The following RORB variants were observed in gnomAD, a reference collection of about 807,000 sequenced individuals.
RORB encodes RAR related orphan receptor B.
A neutral mutation model predicts 59.1 loss-of-function variants in RORB; 6 were observed. That is an observed-to-expected ratio of 0.10 (90% confidence interval 0.06 to 0.20). The LOEUF (loss-of-function observed/expected upper bound fraction) is 0.20. Among genes scored for constraint, RORB ranks in the 10% least tolerant of loss-of-function variants. The pLI, the probability that RORB is intolerant of heterozygous loss-of-function variation, is 1.00. For synonymous variants in RORB, 215 were observed against 204.5 expected (o/e 1.05, Z -0.44); for missense variants, 320 against 560.5 (o/e 0.57, Z 4.33).
chr9:74,609,607 A>C (rs1161151242), intron 1 of RORB, among the ~76,000 whole-genome samples: 1 of 152,236 alleles, frequency 6.6e-6, no homozygotes, highest in Non-Finnish European at 1.5e-5. Flanking sequence ...TGTTTCAGAC[A>C]CCGTCACCTG....
intron 1 of RORB, among the ~76,000 whole-genome samples, chr9:74,577,345 A>G (rs1822651793): frequency 2.0e-5 from 3 of 152,140 alleles, no homozygotes; most frequent in Non-Finnish European, 2.9e-5. Context: ...ACTTTAAATT[A>G]TAGTCAAGGG....
At chr9:74,522,513 A>G (rs1826097505) in intron 1 of RORB, among the ~76,000 whole-genome samples, 1 of 151,826 alleles carries the variant, frequency 6.6e-6, no homozygotes, top group Non-Finnish European at 1.5e-5. Flanking sequence ...AATTGAGTTC[A>G]CATTATTAAC....
chr9:74,555,636 C>T lies in RORB; in HGVS notation c.7+57653C>T, dbSNP rs568683825. 1.4e-4 allele frequency among the ~76,000 whole-genome samples: 22 copies of T among 152,244 alleles called. No individual in the cohort carries two copies. In the South Asian group the frequency reaches 2.7e-3, roughly 19 times the overall value. The stretch of plus-strand genomic sequence containing the variant: ...TTCAGAAGTATGCATCTTGAAAGAA[C>T]GTAGGTCTTGGATGGCAGCTCCCTG... On this transcript the variant is annotated intron_variant, in intron 1 of 9. Coordinates refer to ENST00000376896, the MANE Select transcript of RORB (RefSeq NM_006914.4).
At chr9:74,555,930 G>T (rs192903043) in intron 1 of RORB, among the ~76,000 whole-genome samples, 42 of 152,224 alleles carry the variant, frequency 2.8e-4, no homozygotes, top group Admixed American at 1.5e-3. Flanking sequence ...CACAATTTAG[G>T]CAGTGTTCAC....
At chr9:74,644,963 G>C (rs1823871784) in intron 4 of RORB, among the ~76,000 whole-genome samples, 1 of 152,170 alleles carries the variant, frequency 6.6e-6, no homozygotes, top group Non-Finnish European at 1.5e-5. Flanking sequence ...AACTGGACTA[G>C]AGAATCTCAA....
intron 1 of RORB, among the ~76,000 whole-genome samples, chr9:74,510,821 AAG>A (rs1266036744): frequency 6.6e-6 from 1 of 152,216 alleles, no homozygotes; most frequent in Non-Finnish European, 1.5e-5. Flanking sequence ...ATTTGAAAAA[AAG>A]AGCTCAACTT....
intron 1 of RORB, among the ~76,000 whole-genome samples, chr9:74,551,358 G>A (rs1236449912): frequency 6.6e-6 from 1 of 151,946 alleles, no homozygotes; most frequent in African/African-American, 2.4e-5. Flanking sequence ...ATAAAAGAAG[G>A]GTGACTTGAA....
chr9:74,632,466 T>C (rs567933074), intron 2 of RORB, among the ~76,000 whole-genome samples: 1 of 152,310 alleles, frequency 6.6e-6, no homozygotes, highest in African/African-American at 2.4e-5. Context: ...GTTTTCATAA[T>C]ACTGTTTTCA....
intron 3 of RORB, among the ~76,000 whole-genome samples, chr9:74,639,903 A>G (rs925127114): frequency 1.3e-5 from 2 of 152,246 alleles, no homozygotes; most frequent in African/African-American, 4.8e-5. Flanking sequence ...AAGATGTAAT[A>G]TAAAGATACA....
intron 1 of RORB, among the ~76,000 whole-genome samples, chr9:74,551,752 G>A (rs1826611859): frequency 6.6e-6 from 1 of 152,178 alleles, no homozygotes; most frequent in Admixed American, 6.5e-5. Context: ...ATATCTCAGA[G>A]TATCTCTCAG....
At chr9:74,645,423 G>A (rs191529325) in intron 4 of RORB, among the ~76,000 whole-genome samples, 3 of 152,126 alleles carry the variant, frequency 2.0e-5, no homozygotes, top group African/African-American at 7.2e-5. Flanking sequence ...CAAAGTGCCT[G>A]CATTTAAAAC....
At chr9:74,558,850 G>T (rs1276655652) in intron 1 of RORB, among the ~76,000 whole-genome samples, 2 of 152,166 alleles carry the variant, frequency 1.3e-5, no homozygotes, top group Non-Finnish European at 2.9e-5. Context: ...CTTAAGACTG[G>T]TTATTTGCCA....
intron 1 of RORB, among the ~76,000 whole-genome samples, chr9:74,520,572 T>G (rs1415395040): frequency 6.6e-6 from 1 of 151,922 alleles, no homozygotes; most frequent in Non-Finnish European, 1.5e-5. Context: ...TTTTTTAATT[T>G]TTTTTTGTTT....
chr9:74,553,650 C>A (rs1826645006), intron 1 of RORB, among the ~76,000 whole-genome samples: 1 of 152,220 alleles, frequency 6.6e-6, no homozygotes, highest in African/African-American at 2.4e-5. Flanking sequence ...ATCACCCACT[C>A]TATCTTTGCA....
intron 1 of RORB, among the ~76,000 whole-genome samples, chr9:74,604,633 A>T (rs1291297475): frequency 2.0e-5 from 3 of 152,184 alleles, no homozygotes; most frequent in African/African-American, 7.2e-5. Flanking sequence ...CCCAATTATT[A>T]TTTGTTAGTA....
chr9:74,624,618 C>T (rs1019838942), intron 1 of RORB, among the ~76,000 whole-genome samples: 1 of 152,136 alleles, frequency 6.6e-6, no homozygotes, highest in African/African-American at 2.4e-5. Flanking sequence ...CATCACAGAC[C>T]TTTGGCTTTG....
intron 1 of RORB, among the ~76,000 whole-genome samples, chr9:74,530,962 A>G (rs1218118914): frequency 6.7e-6 from 1 of 150,338 alleles, no homozygotes; most frequent in Non-Finnish European, 1.5e-5. Flanking sequence ...TATTATTTTC[A>G]TTTGTTAAAC....
intron 9 of RORB, among the ~76,000 whole-genome samples, chr9:74,674,447 G>A (rs980358430): frequency 7.2e-5 from 11 of 152,174 alleles, no homozygotes; most frequent in South Asian, 2.1e-4. Flanking sequence ...TTTCTGTGTC[G>A]TGTGCAAAAG....
chr9:74,571,798 G>A (rs964987912), intron 1 of RORB, among the ~76,000 whole-genome samples: 2 of 152,054 alleles, frequency 1.3e-5, no homozygotes, highest in Admixed American at 1.3e-4. Flanking sequence ...CCCTGTTCTC[G>A]TAGAGGAAAG....
Sources: allele counts gnomAD v4.1 joint callset (sites outside exome capture counted in the v4.1 genomes callset), GRCh38; gene constraint gnomAD v4.1.1; transcripts MANE v1.5; gene names NCBI Gene and HGNC (gene_info 2026-07-23, HGNC 2026-07-21).